Variants in TSPAN14 observed in about 807,000 individuals in gnomAD.
TSPAN14 encodes tetraspanin-14.
TSPAN14 carries 16 observed loss-of-function variants against 36.6 expected under a neutral mutation model. That is an observed-to-expected ratio of 0.44 (90% CI 0.30 to 0.66). The LOEUF (loss-of-function observed/expected upper bound fraction) is 0.66. Among genes scored for constraint, TSPAN14 ranks in the 30% least tolerant of loss-of-function variants. The pLI is 0.12. For missense variants in TSPAN14, 231 were observed against 355.1 expected (o/e 0.65, Z 2.81); for synonymous variants, 139 against 143.8 (o/e 0.97, Z 0.24).
intron 1 of TSPAN14, among the ~76,000 whole-genome samples, chr10:80,485,027 A>G (rs1847510627): frequency 6.6e-6 from 1 of 152,214 alleles, no homozygotes; most frequent in African/African-American, 2.4e-5. Flanking sequence ...CCTTCCTGCC[A>G]CACTGATGCT....
exon 9 of TSPAN14, chr10:80,518,049 C>A: frequency 6.8e-7 from 1 of 1,480,194 alleles, no homozygotes; most frequent in Non-Finnish European, 9.2e-7. Flanking sequence ...AGCCCTACGT[C>A]CAGAGGGAGA....
In TSPAN14 at chr10:80,509,052, G is replaced by A. The variant is rs1160378373; in HGVS notation, c.280-249G>A. On this transcript the variant is annotated intron_variant, in intron 4 of 8. Coordinates refer to ENST00000429989, the Ensembl canonical transcript of TSPAN14. This position sits in a 1 kb window ranked among gnomAD's most constrained non-coding sequence, Gnocchi z 4.7. ...TTGGAGCTTTCTCACACTTTTTCACGCATTTGAGTGTTATCAGCAATGCAG... is the reference window on the plus strand; with the variant it reads ...TTGGAGCTTTCTCACACTTTTTCACACATTTGAGTGTTATCAGCAATGCAG... Among the ~76,000 whole-genome samples, 1 of 152,166 alleles carries A rather than the reference G, an allele frequency of 6.6e-6. No individual in the cohort carries two copies. Among genetic ancestry groups the A allele is most frequent in the African/African-American group, 2.4e-5 (1 of 41,442 alleles).
intron 1 of TSPAN14, among the ~76,000 whole-genome samples, chr10:80,482,821 C>T (rs1479564537): frequency 3.1e-4 from 46 of 150,020 alleles, no homozygotes; most frequent in African/African-American, 9.6e-4. Context: ...CTGCAACCCC[C>T]GCCTCTCTGG....
chr10:80,486,176 A>G (rs1847585911), intron 1 of TSPAN14, among the ~76,000 whole-genome samples: 2 of 152,240 alleles, frequency 1.3e-5, no homozygotes, highest in Admixed American at 6.5e-5. Flanking sequence ...CTGGTTGGTC[A>G]TGCGTGTTGG....
chr10:80,500,093 G>C (rs1589283596), intron 2 of TSPAN14, among the ~76,000 whole-genome samples: 1 of 152,090 alleles, frequency 6.6e-6, no homozygotes. Flanking sequence ...TCATTCATGG[G>C]ACCGTTATGT....
intron 2 of TSPAN14, among the ~76,000 whole-genome samples, chr10:80,503,965 G>A (rs1840135760): frequency 6.6e-6 from 1 of 152,204 alleles, no homozygotes; most frequent in Admixed American, 6.5e-5. Flanking sequence ...GAACCTGTGT[G>A]ATGTATTTGG....
chr10:80,485,533 G>T, intron 1 of TSPAN14: 1 of 652,554 alleles, frequency 1.5e-6, no homozygotes, highest in Non-Finnish European at 1.9e-6. Context: ...CAGTCAGAAG[G>T]CCACCTTACA....
exon 9 of TSPAN14, chr10:80,522,129 G>A (rs1426822969): frequency 6.6e-6 from 1 of 152,154 alleles, no homozygotes; most frequent in African/African-American, 2.4e-5. Context: ...TCCTTACAAG[G>A]CTCCGAAACA....
chr10:80,498,352 C>T (rs901485745), intron 2 of TSPAN14, among the ~76,000 whole-genome samples: 6 of 152,102 alleles, frequency 3.9e-5, no homozygotes, highest in African/African-American at 1.4e-4. Context: ...CAGACTGAGG[C>T]CCAGGAGAGG....
At chr10:80,455,275 GC>G (rs1035620575) in intron 1 of TSPAN14, among the ~76,000 whole-genome samples, 1 of 152,170 alleles carries the variant, frequency 6.6e-6, no homozygotes, top group African/African-American at 2.4e-5. Context: ...GAAGTCGTGG[GC>G]CCGGGTACTG....
intron 1 of TSPAN14, among the ~76,000 whole-genome samples, chr10:80,480,500 A>G (rs895175367): frequency 3.3e-5 from 5 of 152,234 alleles, no homozygotes; most frequent in African/African-American, 7.2e-5. Context: ...TTACGGCACT[A>G]TTCACAATAG....
At chr10:80,505,592 T>G (rs1439254084) in intron 3 of TSPAN14, among the ~76,000 whole-genome samples, 2 of 152,226 alleles carry the variant, frequency 1.3e-5, no homozygotes, top group Non-Finnish European at 2.9e-5. Flanking sequence ...GTCTACAGGC[T>G]TTCCTGCCAT....
intron 1 of TSPAN14, among the ~76,000 whole-genome samples, chr10:80,471,283 C>T (rs1309250298): frequency 6.6e-6 from 1 of 152,082 alleles, no homozygotes; most frequent in Non-Finnish European, 1.5e-5. Context: ...TCTTTTCACC[C>T]CATGGGCTTG....
Position 80,476,075 on chromosome 10 carries a change from T to C in TSPAN14, c.-17-13142T>C, listed in dbSNP as rs376345670. On this transcript the variant is annotated intron_variant, in intron 1 of 8. Transcript: ENST00000429989. ...CTCCAGATTACATAAAAATATCTAA[T>C]ACAATGTAAAGGCTGGCTGGGTGCG... is the stretch of plus-strand genomic sequence containing the variant. Among the ~76,000 whole-genome samples the C allele has an allele frequency of 7.2e-5, 11 of 152,292 alleles. No homozygotes were observed. In the East Asian group the frequency reaches 1.9e-3, roughly 27 times the overall value.
chr10:80,517,065 G>A (rs938456045), intron 8 of TSPAN14, among the ~76,000 whole-genome samples: 8 of 152,152 alleles, frequency 5.3e-5, no homozygotes, highest in Middle Eastern at 3.2e-3. Context: ...CCAAGAAGCC[G>A]CAGCTTCTGG....
intron 8 of TSPAN14, 88 bp from the exon 9 acceptor site, chr10:80,517,817 G>C (rs948061249): frequency 1.1e-5 from 14 of 1,301,110 alleles, no homozygotes; most frequent in African/African-American, 1.5e-5. Flanking sequence ...GAGGCGTGCA[G>C]TGGGAGCTCC....
At chr10:80,506,067 G>A (rs1380590075) in intron 3 of TSPAN14, among the ~76,000 whole-genome samples, 1 of 152,194 alleles carries the variant, frequency 6.6e-6, no homozygotes, top group Non-Finnish European at 1.5e-5. Context: ...CGCCTCCCTG[G>A]TTCAAGAGAT....
chr10:80,490,855 G>A (rs1282620329), intron 2 of TSPAN14, among the ~76,000 whole-genome samples: 2 of 152,164 alleles, frequency 1.3e-5, no homozygotes, highest in Non-Finnish European at 2.9e-5. Flanking sequence ...CTGTGCAGGA[G>A]GGCCTGGGGA....
chr10:80,486,826 G>A (rs976100690), intron 1 of TSPAN14, among the ~76,000 whole-genome samples: 17 of 152,150 alleles, frequency 1.1e-4, no homozygotes, highest in African/African-American at 3.9e-4. Flanking sequence ...TTGAGTTTTA[G>A]GTTAAAAATT....
Sources: gnomAD v4.1 joint callset for allele counts (sites outside exome capture counted in the v4.1 genomes callset) on GRCh38, gnomAD v4.1.1 for gene constraint, Gnocchi (gnomAD v3.1) non-coding constraint, MANE v1.5 for transcripts, NCBI Gene and HGNC (gene_info 2026-07-23, HGNC 2026-07-21) for gene names.